Variants in ZFYVE28 observed in about 807,000 individuals in gnomAD.
ZFYVE28 encodes the protein lateral signaling target protein 2 homolog.
In ZFYVE28, 40 loss-of-function variants were observed where a neutral mutation model predicts 82.1. That is an observed-to-expected ratio of 0.49 (90% CI 0.38 to 0.63). The LOEUF (loss-of-function observed/expected upper bound fraction) is 0.63, where lower values mean the gene tolerates loss of function less well. ZFYVE28 is among the 30% of genes least tolerant of loss of function. ZFYVE28 has a pLI of 0.00. For synonymous variants in ZFYVE28, 612 were observed against 546.1 expected (o/e 1.12, Z -1.68); for missense variants, 1,321 against 1,242.1 (o/e 1.06, Z -0.96).
rs541629327 is a variant in ZFYVE28, at chr4:2,341,166, T to G, written c.318+312A>C. The G allele has an allele frequency of 7.2e-5, 30 of 418,008 alleles. No homozygotes were observed. The South Asian group carries it at 8.4e-4, about 12-fold the overall frequency. The allele number at this position is 418,008 out of a possible 1,614,324, so 25.9% of individuals were successfully genotyped here. ...GCCGGAGGGGAACACTTGTTCCTGA[T>G]GTGGGCATTACTGCCATTAAAAACC... On this transcript the variant is annotated intron_variant, in intron 3 of 12. Coordinates refer to ENST00000290974, the MANE Select transcript of ZFYVE28 (RefSeq NM_020972.3). This position sits in a 1 kb window ranked among gnomAD's most constrained non-coding sequence, Gnocchi z 4.5.
At position 2,339,733 on chromosome 4, in the gene ZFYVE28, C is replaced by G. The variant is rs997442730; in HGVS notation, c.319-78G>C. On this transcript the variant is annotated intron_variant, in intron 3 of 12. Coordinates refer to ENST00000290974, the MANE Select transcript of ZFYVE28 (RefSeq NM_020972.3). The surrounding 1 kb of genome is among the most constrained non-coding windows in gnomAD (Gnocchi z 5.0). ...GGGGTCGCCGACCCGGGGAACCTGA[C>G]TGCGCACCTCGGGGCCCCTCTTCTC... is the stretch of plus-strand genomic sequence containing the variant. The G allele has an allele frequency of 4.3e-6, 6 of 1,411,296 alleles. No homozygotes were observed. In the African/African-American group the frequency reaches 4.3e-5, roughly 10 times the overall value. 87.4% of individuals were successfully genotyped at this position (1,411,296 alleles called of 1,614,324 possible).
At chr4:2,272,047 C>T (rs1342288203) in intron 10 of ZFYVE28, among the ~76,000 whole-genome samples, 1 of 152,240 alleles carries the variant, frequency 6.6e-6, no homozygotes, top group East Asian at 1.9e-4. Flanking sequence ...GCCCTGGAGC[C>T]CCTGCATGGC....
chr4:2,288,876 G>A (rs1253043653), intron 8 of ZFYVE28, among the ~76,000 whole-genome samples: 1 of 152,194 alleles, frequency 6.6e-6, no homozygotes, highest in African/African-American at 2.4e-5. Flanking sequence ...AAGCTACTCG[G>A]GATCACTTGA....
At chr4:2,377,438 A>T (rs1327354825) in intron 1 of ZFYVE28, among the ~76,000 whole-genome samples, 2 of 152,196 alleles carry the variant, frequency 1.3e-5, no homozygotes, top group Non-Finnish European at 2.9e-5. Flanking sequence ...TTATCCCATC[A>T]TCTTTCCTCC....
chr4:2,305,357 T>G lies in ZFYVE28; in HGVS notation c.983A>C (p.Asp328Ala), dbSNP rs779025728. The G allele has an allele frequency of 6.2e-7, 1 of 1,612,750 alleles. No homozygotes were observed. The highest frequency in any genetic ancestry group is 8.5e-7 in the Non-Finnish European group (1 of 1,179,768). The change falls in exon 8 of 13, where the codon GAT becomes GCT. Residue 328 changes from aspartate (D) to alanine (A), a missense_variant. Coordinates refer to ENST00000290974, the MANE Select transcript of ZFYVE28 (RefSeq NM_020972.3). ...CTGCATGGAGCAGGCCAGCTCTGCA[T>G]CCGGGTCTTTGGCCTTAGCTGAGAG... ...GPLSAKAKDPDAELACSMQYD... is the reference protein window; with the variant it reads ...GPLSAKAKDPAAELACSMQYD...
chr4:2,339,740 C>T lies in ZFYVE28; in HGVS notation c.319-85G>A. 1.6e-6 allele frequency: 2 copies of T among 1,273,212 alleles called. No homozygotes were observed. Among genetic ancestry groups the T allele is most frequent in the Non-Finnish European group, 2.1e-6 (2 of 935,620 alleles). 78.9% of individuals were successfully genotyped at this position (1,273,212 alleles called of 1,614,324 possible). A position where few individuals can be genotyped will look rare whatever the true frequency, so the allele number is the denominator to read the frequency against. On this transcript the variant is annotated intron_variant, in intron 3 of 12. Coordinates refer to ENST00000290974, the MANE Select transcript of ZFYVE28 (RefSeq NM_020972.3). The surrounding 1 kb of genome is among the most constrained non-coding windows in gnomAD (Gnocchi z 5.0). The stretch of plus-strand genomic sequence containing the variant: ...CCGACCCGGGGAACCTGACTGCGCA[C>T]CTCGGGGCCCCTCTTCTCACCCCAC...
chr4:2,354,126 C>CCT, intron 1 of ZFYVE28, 53 bp from the exon 2 acceptor site: 5 of 1,421,994 alleles, frequency 3.5e-6, no homozygotes, highest in Non-Finnish European at 4.6e-6. Context: ...GGAGGGGATG[C>CCT]CTCGGTTGGT....
chr4:2,349,108 G>A (rs1723984072), intron 2 of ZFYVE28, among the ~76,000 whole-genome samples: 2 of 152,056 alleles, frequency 1.3e-5, no homozygotes, highest in Admixed American at 6.6e-5. Context: ...CTCTTTCAGT[G>A]CTATAGATAA....
At chr4:2,374,344 G>C (rs1727884989) in intron 1 of ZFYVE28, among the ~76,000 whole-genome samples, 1 of 152,208 alleles carries the variant, frequency 6.6e-6, no homozygotes, top group South Asian at 2.1e-4. Flanking sequence ...AGGCATGGTG[G>C]CTCACACCTG....
intron 6 of ZFYVE28, chr4:2,328,832 C>G (rs1483754075): frequency 1.7e-4 from 39 of 232,934 alleles, no homozygotes; most frequent in East Asian, 2.8e-4. Flanking sequence ...CAACTTTGTT[C>G]TTTTGCATGT....
intron 1 of ZFYVE28, among the ~76,000 whole-genome samples, chr4:2,385,797 A>C (rs1257135551): frequency 1.3e-5 from 2 of 151,674 alleles, no homozygotes; most frequent in Non-Finnish European, 2.9e-5. Flanking sequence ...TCACACCCCC[A>C]CTCCAGTGCT....
intron 8 of ZFYVE28, among the ~76,000 whole-genome samples, chr4:2,303,003 C>G (rs1715826252): frequency 6.6e-6 from 1 of 152,240 alleles, no homozygotes; most frequent in Non-Finnish European, 1.5e-5. Context: ...TCTGGAACCA[C>G]CTGTACGTGA....
rs969988154 is a variant in ZFYVE28, at chr4:2,334,670, T to A, written c.701+1035A>T. On this transcript the variant is annotated intron_variant, in intron 6 of 12. Transcript: ENST00000290974. ...ACTGACATCCACATCTCCACGGGCATCTCTCTCAAGGGCTCCCCATCCCCT... is the reference window on the plus strand; with the variant it reads ...ACTGACATCCACATCTCCACGGGCAACTCTCTCAAGGGCTCCCCATCCCCT... 1.0e-4 allele frequency among the ~76,000 whole-genome samples: 15 copies of A among 146,680 alleles called. No homozygotes were observed. In the East Asian group the frequency reaches 1.2e-3, roughly 12 times the overall value.
chr4:2,277,506 A>G (rs935042799), intron 8 of ZFYVE28, among the ~76,000 whole-genome samples: 3 of 152,102 alleles, frequency 2.0e-5, no homozygotes, highest in African/African-American at 7.2e-5. Context: ...ATAAAATAAA[A>G]ATTAAAAAAA....
At chr4:2,338,123 G>A (rs546400703) in intron 4 of ZFYVE28, among the ~76,000 whole-genome samples, 10 of 152,212 alleles carry the variant, frequency 6.6e-5, no homozygotes, top group Non-Finnish European at 7.3e-5. Context: ...ACACGTGCAC[G>A]GGTGGGTGAA....
chr4:2,338,377 G>T (rs893618084), intron 4 of ZFYVE28, among the ~76,000 whole-genome samples: 1 of 152,206 alleles, frequency 6.6e-6, no homozygotes, highest in African/African-American at 2.4e-5. Context: ...GATCACTTGA[G>T]GTCAGGCATT....
At chr4:2,312,653 A>G (rs1021139854) in intron 7 of ZFYVE28, among the ~76,000 whole-genome samples, 5 of 142,378 alleles carry the variant, frequency 3.5e-5, no homozygotes, top group African/African-American at 8.0e-5. Flanking sequence ...GCATGAACCC[A>G]GGAGGCGGAG....
At chr4:2,351,113 T>TG (rs1344638696) in intron 2 of ZFYVE28, among the ~76,000 whole-genome samples, 2 of 152,114 alleles carry the variant, frequency 1.3e-5, no homozygotes, top group African/African-American at 2.4e-5. Context: ...GGCATCTGAA[T>TG]GGGGGGCCGT....
intron 1 of ZFYVE28, among the ~76,000 whole-genome samples, chr4:2,410,097 T>A (rs945597662): frequency 7.2e-5 from 11 of 152,264 alleles, no homozygotes; most frequent in African/African-American, 2.4e-4. Context: ...ACAATTCCTT[T>A]TTTTAAATTG....
Sources: allele counts gnomAD v4.1 joint callset (sites outside exome capture counted in the v4.1 genomes callset), GRCh38; gene constraint gnomAD v4.1.1; non-coding constraint Gnocchi (gnomAD v3.1); transcripts MANE v1.5; gene names NCBI Gene and HGNC (gene_info 2026-07-23, HGNC 2026-07-21).